Variants in MTTP observed in about 807,000 individuals in gnomAD.
MTTP encodes microsomal triglyceride transfer protein large subunit.
MTTP carries 49 observed loss-of-function variants against 90.6 expected under a neutral mutation model. The ratio of observed to expected loss-of-function variants is 0.54; its 90% CI spans 0.43 to 0.69. The LOEUF (loss-of-function observed/expected upper bound fraction) is 0.69. MTTP is among the 30% of genes least tolerant of loss of function. The pLI, the probability that MTTP is intolerant of heterozygous loss-of-function variation, is 0.00. For missense variants in MTTP, 945 were observed against 1,067.5 expected, an observed-to-expected ratio of 0.89 and a Z score of 1.60; for synonymous variants, 347 against 384.2, an observed-to-expected ratio of 0.90 and a Z score of 1.13.
At chr4:99,616,277 C>T (rs910342412) in intron 15 of MTTP, among the ~76,000 whole-genome samples, 1 of 152,040 alleles carries the variant, frequency 6.6e-6, no homozygotes, top group Non-Finnish European at 1.5e-5. Context: ...GCCTGTAGTC[C>T]CAGCTACTCA....
In MTTP at chr4:99,597,099, C is replaced by T; in HGVS notation, c.942C>T (p.Tyr314=). 6.2e-7 allele frequency: 1 copy of T among 1,613,910 alleles called. No homozygotes were observed. The highest frequency in any genetic ancestry group is 8.5e-7 in the Non-Finnish European group (1 of 1,179,864). ...LSELWRSTRK[Y]LQPDNLSKAE... is the part of the protein sequence containing the mutation. ...AGCTCTGGCGGTCCACCAGGAAATA[C>T]CTGCAGCCTGACAACCTTTCCAAGG... is the stretch of plus-strand genomic sequence containing the variant. Residue 314 remains tyrosine, a synonymous_variant, in exon 8 of 18, where the codon TAC becomes TAT. Coordinates refer to ENST00000265517, the MANE Select transcript of MTTP (RefSeq NM_001386140.1).
chr4:99,604,060 A>C (rs1428199671), intron 10 of MTTP, among the ~76,000 whole-genome samples: 2 of 152,184 alleles, frequency 1.3e-5, no homozygotes, highest in Non-Finnish European at 2.9e-5. Flanking sequence ...AATTTACTAC[A>C]GAAGAACTGT....
chr4:99,622,968 G>C lies in MTTP; in HGVS notation c.*120G>C. 2 of 1,284,786 alleles carry C rather than the reference G, an allele frequency of 1.6e-6. No individual in the cohort carries two copies. Among genetic ancestry groups the C allele is most frequent in the Non-Finnish European group, 2.2e-6 (2 of 890,112 alleles). 79.6% of individuals were successfully genotyped at this position (1,284,786 alleles called of 1,614,324 possible). ...ATATTTACCTGTATTTAAGATTTTTGTAAAAAGCTACAAAAAACTGCAGTT... is the reference window on the plus strand; with the variant it reads ...ATATTTACCTGTATTTAAGATTTTTCTAAAAAGCTACAAAAAACTGCAGTT... On this transcript the variant is annotated 3_prime_UTR_variant, in exon 18 of 18. Transcript: ENST00000265517.
chr4:99,601,838 T>A (rs1468937395), intron 10 of MTTP, 124 bp downstream of exon 10: 3 of 770,346 alleles, frequency 3.9e-6, no homozygotes, highest in East Asian at 5.2e-5. Flanking sequence ...CTTATTTGCA[T>A]AGCAATTTTT....
intron 1 of MTTP, among the ~76,000 whole-genome samples, chr4:99,578,973 C>T (rs7693203): frequency 0.26 from 39,860 of 152,042 alleles, 5,392 homozygotes; most frequent in South Asian, 0.35. Context: ...ACCAGAAAGC[C>T]AGTATTTGAA....
intron 6 of MTTP, among the ~76,000 whole-genome samples, chr4:99,592,813 A>G (rs1325653832): frequency 1.3e-5 from 2 of 152,318 alleles, no homozygotes; most frequent in East Asian, 3.9e-4. Context: ...TACACTGTAA[A>G]ATAATAATAA....
intron 12 of MTTP, among the ~76,000 whole-genome samples, chr4:99,610,017 G>A (rs1209963791): frequency 3.3e-5 from 5 of 152,096 alleles, no homozygotes; most frequent in Non-Finnish European, 7.4e-5. Context: ...GAAATTGTGA[G>A]GAAAATATCA....
Position 99,622,038 on chromosome 4 carries a change from T to TA in MTTP, c.2514-633dup, listed in dbSNP as rs367965105. 2.2e-3 allele frequency among the ~76,000 whole-genome samples: 335 copies of TA among 152,308 alleles called. 1 individual carries two copies. The highest frequency in any genetic ancestry group is 7.6e-3 in the African/African-American group (316 of 41,566). On this transcript the variant is annotated intron_variant, in intron 17 of 17. Coordinates refer to ENST00000265517, the MANE Select transcript of MTTP (RefSeq NM_001386140.1). ...TTTACTGACATTTCATGATTCATATTAAAAAACGCATTGATTATATAAAAG... is the reference window on the plus strand; with the variant it reads ...TTTACTGACATTTCATGATTCATATTAAAAAAACGCATTGATTATATAAAAG...
chr4:99,604,123 G>A (rs1036245385), intron 10 of MTTP, among the ~76,000 whole-genome samples: 2 of 152,050 alleles, frequency 1.3e-5, no homozygotes, highest in Non-Finnish European at 2.9e-5. Context: ...ACTCATCTAC[G>A]TTTTGTCCAA....
chr4:99,614,341 A>G (rs928660620), intron 15 of MTTP, among the ~76,000 whole-genome samples: 1 of 152,214 alleles, frequency 6.6e-6, no homozygotes, highest in African/African-American at 2.4e-5. Flanking sequence ...TTATGAAATC[A>G]TAGATTTTAA....
At chr4:99,572,572 G>A (rs1724862300), upstream of MTTP, among the ~76,000 whole-genome samples, 2 of 151,980 alleles carry the variant, frequency 1.3e-5, no homozygotes, top group South Asian at 4.1e-4. Context: ...CTGTTGTAAG[G>A]ATTATTATAA....
intron 16 of MTTP, among the ~76,000 whole-genome samples, chr4:99,620,329 C>T (rs1726199087): frequency 6.6e-6 from 1 of 152,162 alleles, no homozygotes; most frequent in African/African-American, 2.4e-5. Context: ...CAGTTTCTCA[C>T]AGTTTGATTT....
chr4:99,577,567 T>G (rs975998243), intron 1 of MTTP, among the ~76,000 whole-genome samples: 1 of 136,390 alleles, frequency 7.3e-6, no homozygotes, highest in Non-Finnish European at 1.5e-5. Flanking sequence ...ATCACACCAT[T>G]GCACTCCAGC....
rs557226102 is a variant in MTTP, at chr4:99,589,531, C to T, written c.394-112C>T. On this transcript the variant is annotated intron_variant, in intron 3 of 17. Transcript: ENST00000265517. Reference sequence around the variant, plus strand: ...ATTCCAGATTTGGAGTGTCAGATCTCTTTCTCCCAGGATTAATACAGGTAA... The same window carrying T: ...ATTCCAGATTTGGAGTGTCAGATCTTTTTCTCCCAGGATTAATACAGGTAA... The T allele has an allele frequency of 4.3e-5, 31 of 716,028 alleles. No individual in the cohort carries two copies. The South Asian group carries it at 4.7e-4, about 11-fold the overall frequency. The allele number at this position is 716,028 out of a possible 1,614,324, so 44.4% of individuals were successfully genotyped here. A position where few individuals can be genotyped will look rare whatever the true frequency, so the allele number is the denominator to read the frequency against.
intron 8 of MTTP, among the ~76,000 whole-genome samples, chr4:99,597,729 G>A (rs1725592289): frequency 6.6e-6 from 1 of 152,146 alleles, no homozygotes; most frequent in Non-Finnish European, 1.5e-5. Context: ...AAAGAATCTG[G>A]AGAAAATAAA....
At chr4:99,575,444 T>G (rs1249876004) in intron 1 of MTTP, among the ~76,000 whole-genome samples, 1 of 152,308 alleles carries the variant, frequency 6.6e-6, no homozygotes, top group African/African-American at 2.4e-5. Flanking sequence ...GCCAAAGAAT[T>G]ATGAATGAAA....
chr4:99,584,850 T>A (rs1043687397), intron 3 of MTTP, among the ~76,000 whole-genome samples: 1 of 152,104 alleles, frequency 6.6e-6, no homozygotes, highest in Non-Finnish European at 1.5e-5. Flanking sequence ...TTCACCTCCA[T>A]GCCCTTCCAC....
At chr4:99,618,159 G>A (rs1252337419) in intron 15 of MTTP, among the ~76,000 whole-genome samples, 16 of 152,184 alleles carry the variant, frequency 1.1e-4, no homozygotes, top group Admixed American at 1.0e-3. Context: ...GTAATCTAGA[G>A]ATGATTTAAA....
intron 10 of MTTP, among the ~76,000 whole-genome samples, chr4:99,602,192 T>C (rs1370944791): frequency 1.3e-5 from 2 of 152,162 alleles, no homozygotes; most frequent in Non-Finnish European, 2.9e-5. Context: ...GTTTTGATAG[T>C]AGAAATTTAG....
Sources: gnomAD v4.1 joint callset for allele counts (sites outside exome capture counted in the v4.1 genomes callset) on GRCh38, gnomAD v4.1.1 for gene constraint, MANE v1.5 for transcripts, NCBI Gene and HGNC (gene_info 2026-07-23, HGNC 2026-07-21) for gene names.